Variants in ASTN2 observed in about 807,000 individuals in gnomAD.
The protein encoded by ASTN2 is astrotactin 2.
ASTN2 carries 54 observed loss-of-function variants against 139.8 expected under a neutral mutation model. The ratio of observed to expected loss-of-function variants is 0.39; its 90% CI spans 0.31 to 0.48. The LOEUF (loss-of-function observed/expected upper bound fraction) is 0.48. Ranked by LOEUF, ASTN2 falls within the 20% of genes least tolerant of loss-of-function variation. ASTN2 has a pLI of 0.95. For synonymous variants in ASTN2, 756 were observed against 719.5 expected (o/e 1.05, Z -0.81); for missense variants, 1,565 against 1,725.1 (o/e 0.91, Z 1.64).
chr9:117,201,948 C>A (rs775108412), intron 3 of ASTN2, among the ~76,000 whole-genome samples: 1 of 152,122 alleles, frequency 6.6e-6, no homozygotes, highest in Non-Finnish European at 1.5e-5. Context: ...GTGTTAAATT[C>A]TCCCACTATT....
Position 116,425,588 on chromosome 9 carries a change from G to T in ASTN2, c.*263C>A. The T allele has an allele frequency of 6.2e-7, 1 of 1,613,314 alleles. No homozygotes were observed. The stretch of plus-strand genomic sequence containing the variant: ...GATTGACAGCCATCCATAAGAAAAG[G>T]TTTAAAAAGGAGAGACTTTTGATAG... On this transcript the variant is annotated 3_prime_UTR_variant, in exon 23 of 23. Transcript: ENST00000313400.
intron 6 of ASTN2, among the ~76,000 whole-genome samples, chr9:117,018,444 A>AG (rs397761908): frequency 5.5e-5 from 1 of 18,288 alleles, no homozygotes; most frequent in Non-Finnish European, 2.2e-4. Flanking sequence ...AATCTCTTTC[A>AG]TTACTACACT....
At chr9:117,314,735 T>C (rs999751095) in intron 1 of ASTN2, among the ~76,000 whole-genome samples, 1 of 145,780 alleles carries the variant, frequency 6.9e-6, no homozygotes, top group Non-Finnish European at 1.5e-5. Context: ...TTATATGTCA[T>C]ATAGTAATGT....
intron 5 of ASTN2, among the ~76,000 whole-genome samples, chr9:117,083,516 C>T (rs1828481664): frequency 6.6e-6 from 1 of 152,128 alleles, no homozygotes; most frequent in South Asian, 2.1e-4. Flanking sequence ...AGAGGGTGCC[C>T]ATGACCAGTG....
At chr9:116,924,254 T>TA (rs1312741464) in intron 10 of ASTN2, among the ~76,000 whole-genome samples, 2 of 142,858 alleles carry the variant, frequency 1.4e-5, no homozygotes, top group African/African-American at 5.3e-5. Flanking sequence ...ACTAAAAATA[T>TA]AAAAAAAAAA....
chr9:116,539,981 C>T (rs115103324), intron 19 of ASTN2, among the ~76,000 whole-genome samples: 377 of 152,256 alleles, frequency 2.5e-3, no homozygotes, highest in African/African-American at 8.8e-3. Flanking sequence ...GTTCAGTTGG[C>T]ATCATTTTCT....
chr9:116,950,257 G>A (rs1296861363), intron 10 of ASTN2, among the ~76,000 whole-genome samples: 1 of 152,190 alleles, frequency 6.6e-6, no homozygotes, highest in Non-Finnish European at 1.5e-5. Flanking sequence ...AACCAACATT[G>A]TTTCCAGACA....
chr9:117,117,376 AAAAG>A (rs200413273), intron 4 of ASTN2, among the ~76,000 whole-genome samples: 53,972 of 145,798 alleles, frequency 0.37, 10,262 homozygotes, highest in Non-Finnish European at 0.43. Flanking sequence ...GAGAAAAAAA[AAAAG>A]AAAAGAACGA....
At chr9:116,962,143 C>G (rs1045637178) in intron 10 of ASTN2, among the ~76,000 whole-genome samples, 5 of 152,230 alleles carry the variant, frequency 3.3e-5, no homozygotes, top group African/African-American at 9.6e-5. Flanking sequence ...CTTCACTACT[C>G]TGTCTCACTT....
At chr9:117,065,454 G>T (rs535993360) in intron 5 of ASTN2, among the ~76,000 whole-genome samples, 1 of 152,134 alleles carries the variant, frequency 6.6e-6, no homozygotes, top group East Asian at 1.9e-4. Context: ...CCCATGAGCT[G>T]GATTTGCACA....
intron 15 of ASTN2, among the ~76,000 whole-genome samples, chr9:116,727,290 C>G (rs1177049667): frequency 6.6e-6 from 1 of 152,168 alleles, no homozygotes; most frequent in African/African-American, 2.4e-5. Context: ...TCCTGGGACA[C>G]AGCAAACACA....
chr9:116,449,133 T>C (rs955671245), intron 20 of ASTN2, among the ~76,000 whole-genome samples: 6 of 152,142 alleles, frequency 3.9e-5, no homozygotes, highest in Admixed American at 3.9e-4. Flanking sequence ...TGGCCGGGCG[T>C]GGTGGCTCAC....
At chr9:116,796,030 C>T (rs1830678618) in intron 13 of ASTN2, among the ~76,000 whole-genome samples, 1 of 152,186 alleles carries the variant, frequency 6.6e-6, no homozygotes, top group Admixed American at 6.5e-5. Flanking sequence ...CCTGCACATG[C>T]AAGTGAGCTT....
At chr9:116,663,834 C>T (rs1468559530) in intron 16 of ASTN2, among the ~76,000 whole-genome samples, 11 of 152,114 alleles carry the variant, frequency 7.2e-5, no homozygotes, top group Non-Finnish European at 1.0e-4. Flanking sequence ...TTCACTATTG[C>T]TTTTTAAAGA....
chr9:117,148,720 CTG>C (rs1233258261), intron 3 of ASTN2, among the ~76,000 whole-genome samples: 2 of 152,166 alleles, frequency 1.3e-5, no homozygotes, highest in Non-Finnish European at 2.9e-5. Context: ...CTAGACATAT[CTG>C]TGAAGATTTT....
At chr9:116,953,130 A>T (rs1247880161) in intron 10 of ASTN2, among the ~76,000 whole-genome samples, 1 of 152,146 alleles carries the variant, frequency 6.6e-6, no homozygotes, top group Non-Finnish European at 1.5e-5. Flanking sequence ...TCCCCCACCC[A>T]CTGAGGCAAA....
chr9:116,738,225 G>T (rs1312491125), intron 13 of ASTN2, among the ~76,000 whole-genome samples: 4 of 151,856 alleles, frequency 2.6e-5, no homozygotes, highest in Non-Finnish European at 5.9e-5. Flanking sequence ...TTGGGGCCAG[G>T]AGCAGCGGCT....
chr9:116,830,726 A>G (rs556396722), intron 11 of ASTN2, among the ~76,000 whole-genome samples: 1 of 149,470 alleles, frequency 6.7e-6, no homozygotes, highest in Non-Finnish European at 1.5e-5. Context: ...CAGGAGGCGG[A>G]GGTCACAGTG....
chr9:117,325,566 A>G (rs1158516377), intron 1 of ASTN2, among the ~76,000 whole-genome samples: 1 of 152,156 alleles, frequency 6.6e-6, no homozygotes. Flanking sequence ...CTCCTAAATG[A>G]TGAAGAGTGT....
Sources: gnomAD v4.1 joint callset for allele counts (sites outside exome capture counted in the v4.1 genomes callset) on GRCh38, gnomAD v4.1.1 for gene constraint, MANE v1.5 for transcripts, NCBI Gene and HGNC (gene_info 2026-07-23, HGNC 2026-07-21) for gene names.